Variants in ACTN2 observed in about 807,000 individuals in gnomAD.
ACTN2 encodes alpha-actinin-2.
Under a neutral mutation model 113.8 loss-of-function variants are expected in ACTN2, and 39 were observed. The ratio of observed to expected loss-of-function variants is 0.34; its 90% CI spans 0.27 to 0.45. ACTN2 has a LOEUF of 0.45. Among genes scored for constraint, ACTN2 ranks in the 20% least tolerant of loss-of-function variants. The pLI, the probability that ACTN2 is intolerant of heterozygous loss-of-function variation, is 1.00. For synonymous variants in ACTN2, 429 were observed against 444.1 expected (o/e 0.97, Z 0.43); for missense variants, 992 against 1,177.9 (o/e 0.84, Z 2.31).
chr1:236,724,363 G>A (rs1401593258), intron 4 of ACTN2, among the ~76,000 whole-genome samples: 4 of 152,220 alleles, frequency 2.6e-5, no homozygotes, highest in Admixed American at 2.0e-4. Context: ...TATGAATTTG[G>A]TGATGGGCGG....
At chr1:236,695,415 A>G (rs902136583) in intron 1 of ACTN2, among the ~76,000 whole-genome samples, 15 of 135,074 alleles carry the variant, frequency 1.1e-4, no homozygotes, top group Admixed American at 5.9e-4. Flanking sequence ...GCTGTGTCTG[A>G]AAAAAAAAAA....
rs1306866183 is a variant in ACTN2, at chr1:236,763,670, A to G, written c.*1051A>G. On this transcript the variant is annotated 3_prime_UTR_variant, in exon 21 of 21. Coordinates refer to ENST00000366578, the MANE Select transcript of ACTN2 (RefSeq NM_001103.4). ...GTTCTTTCTTTTGCGGAAGCTTTAC[A>G]TATGTTTTGTGTAGTAGGAATAACT... The G allele has an allele frequency of 2.0e-5, 3 of 152,164 alleles. No homozygotes were observed. Among genetic ancestry groups the G allele is most frequent in the East Asian group, 1.9e-4 (1 of 5,192 alleles). The allele number at this position is 152,164 out of a possible 1,614,324, so 9.4% of individuals were successfully genotyped here. A position where few individuals can be genotyped will look rare whatever the true frequency, so the allele number is the denominator to read the frequency against.
intron 1 of ACTN2, among the ~76,000 whole-genome samples, chr1:236,702,839 A>G (rs1657716420): frequency 6.6e-6 from 1 of 152,228 alleles, no homozygotes; most frequent in African/African-American, 2.4e-5. Flanking sequence ...ACAGCAATGC[A>G]GAGAATATGG....
intron 1 of ACTN2, among the ~76,000 whole-genome samples, chr1:236,704,289 A>G (rs564292279): frequency 1.3e-5 from 2 of 152,226 alleles, no homozygotes; most frequent in Non-Finnish European, 2.9e-5. Context: ...TTCTCACACC[A>G]CAACAGTCAA....
intron 1 of ACTN2, among the ~76,000 whole-genome samples, chr1:236,703,752 C>G (rs936561164): frequency 6.6e-6 from 1 of 151,686 alleles, no homozygotes; most frequent in African/African-American, 2.4e-5. Flanking sequence ...TGCAAACTAG[C>G]TTCAGGAATC....
Position 236,721,061 on chromosome 1 carries a change from T to C in ACTN2, c.448+870T>C, listed in dbSNP as rs554222897. On this transcript the variant is annotated intron_variant, in intron 4 of 20. Coordinates refer to ENST00000366578, the MANE Select transcript of ACTN2 (RefSeq NM_001103.4). ...TTTTTTTTTTGAGACGGAGTCTCAC[T>C]CTGGCACCCAGGCTGGAGTTCAGTG... Among the ~76,000 whole-genome samples the C allele has an allele frequency of 2.7e-4, 34 of 125,620 alleles. No homozygotes were observed. In the East Asian group the frequency reaches 8.7e-3, roughly 32 times the overall value. 82.4% of individuals were successfully genotyped at this position (125,620 alleles called of 152,430 possible). A position where few individuals can be genotyped will look rare whatever the true frequency, so the allele number is the denominator to read the frequency against.
At chr1:236,694,596 T>TA (rs1471651688) in intron 1 of ACTN2, among the ~76,000 whole-genome samples, 1 of 152,188 alleles carries the variant, frequency 6.6e-6, no homozygotes, top group Non-Finnish European at 1.5e-5. Flanking sequence ...CTTTTTAAAT[T>TA]AAAAAAACTT....
chr1:236,730,225 A>G (rs558488979), intron 6 of ACTN2, among the ~76,000 whole-genome samples: 47 of 152,206 alleles, frequency 3.1e-4, no homozygotes, highest in Non-Finnish European at 6.0e-4. Context: ...TAGCTTTCAC[A>G]AAGTCTCAGG....
rs111981124 is a variant in ACTN2 at position 236,759,575 on chromosome 1, G to C, written c.2302-149G>C. The C allele has an allele frequency of 1.3e-4, 95 of 712,206 alleles. No individual in the cohort carries two copies. In the African/African-American group the frequency reaches 1.5e-3, roughly 11 times the overall value. The allele number at this position is 712,206 out of a possible 1,614,324, so 44.1% of individuals were successfully genotyped here. A position where few individuals can be genotyped will look rare whatever the true frequency, so the allele number is the denominator to read the frequency against. On this transcript the variant is annotated intron_variant, in intron 18 of 20. Transcript: ENST00000366578. The stretch of plus-strand genomic sequence containing the variant: ...ACTAGTTTGTAACATCCTTGTGCTG[G>C]CTCCATCCTTCTCGCAAGTCAGTGG...
rs1659768322 is a variant in ACTN2, at chr1:236,763,504, G to T, written c.*885G>T. Reference sequence around the variant, plus strand: ...AAGCAGGTTTCTGTAGTACTGACTGGTTCATCACAAGGCAAGTCAGAAACC... The same window carrying T: ...AAGCAGGTTTCTGTAGTACTGACTGTTTCATCACAAGGCAAGTCAGAAACC... On this transcript the variant is annotated 3_prime_UTR_variant, in exon 21 of 21. Coordinates refer to ENST00000366578, the MANE Select transcript of ACTN2 (RefSeq NM_001103.4). 6.6e-6 allele frequency: 1 copy of T among 152,186 alleles called. No individual in the cohort carries two copies. Among genetic ancestry groups the T allele is most frequent in the Admixed American group, 6.5e-5 (1 of 15,272 alleles). The allele number at this position is 152,186 out of a possible 1,614,324, so 9.4% of individuals were successfully genotyped here.
intron 4 of ACTN2, among the ~76,000 whole-genome samples, chr1:236,723,858 T>G (rs1658470832): frequency 6.6e-6 from 1 of 152,170 alleles, no homozygotes; most frequent in Non-Finnish European, 1.5e-5. Context: ...TAGTTAGGAA[T>G]CGACATGCTT....
At chr1:236,715,544 C>G (rs1269841326) in intron 1 of ACTN2, among the ~76,000 whole-genome samples, 3 of 152,038 alleles carry the variant, frequency 2.0e-5, no homozygotes, top group South Asian at 4.2e-4. Flanking sequence ...CTTTTGATCA[C>G]TTAAAACATG....
intron 10 of ACTN2, among the ~76,000 whole-genome samples, chr1:236,740,105 C>T (rs1165922921): frequency 2.0e-5 from 3 of 151,944 alleles, no homozygotes; most frequent in Non-Finnish European, 4.4e-5. Context: ...GCTCCCTCCC[C>T]ACTCACTCAC....
chr1:236,709,240 A>ATG (rs1657928506), intron 1 of ACTN2, among the ~76,000 whole-genome samples: 4 of 86,070 alleles, frequency 4.6e-5, no homozygotes, highest in Non-Finnish European at 1.1e-4. Context: ...ATATATATAT[A>ATG]TATATATATA....
intron 1 of ACTN2, among the ~76,000 whole-genome samples, chr1:236,687,566 A>G (rs984042048): frequency 6.6e-6 from 1 of 152,262 alleles, no homozygotes; most frequent in East Asian, 1.9e-4. Context: ...AGACATGACA[A>G]CAGAGACCTG....
chr1:236,686,960 G>C (rs1423082575), intron 1 of ACTN2, among the ~76,000 whole-genome samples, 161 bp downstream of exon 1: 1 of 152,128 alleles, frequency 6.6e-6, no homozygotes, highest in Non-Finnish European at 1.5e-5. Flanking sequence ...TTAGGAAAGA[G>C]GACACGTCCG....
chr1:236,752,582 C>G (rs750566989), intron 15 of ACTN2, among the ~76,000 whole-genome samples: 2 of 152,050 alleles, frequency 1.3e-5, no homozygotes, highest in African/African-American at 2.4e-5. Context: ...GACAGAGTCT[C>G]ACTCTGTTGC....
intron 4 of ACTN2, among the ~76,000 whole-genome samples, chr1:236,724,195 G>C (rs959147204): frequency 6.6e-6 from 1 of 151,896 alleles, no homozygotes; most frequent in African/African-American, 2.4e-5. Flanking sequence ...GGGTGGGGGT[G>C]GGGGAGAACC....
At position 236,711,789 on chromosome 1, in the gene ACTN2, G is replaced by A. The variant is rs541679545; in HGVS notation, c.127-6069G>A. 3.2e-4 allele frequency among the ~76,000 whole-genome samples: 48 copies of A among 152,280 alleles called. No individual in the cohort carries two copies. The South Asian group carries it at 5.6e-3, about 18-fold the overall frequency. On this transcript the variant is annotated intron_variant, in intron 1 of 20. Coordinates refer to ENST00000366578, the MANE Select transcript of ACTN2 (RefSeq NM_001103.4). The stretch of plus-strand genomic sequence containing the variant: ...AAAGTGTTTATATTTATGGCTAGGT[G>A]CAGAGAAACAGAGAATAAGCTGTTA...
Sources: gnomAD v4.1 joint callset for allele counts (sites outside exome capture counted in the v4.1 genomes callset) on GRCh38, gnomAD v4.1.1 for gene constraint, MANE v1.5 for transcripts, NCBI Gene and HGNC (gene_info 2026-07-23, HGNC 2026-07-21) for gene names.